RIC1: variants seen among roughly 807,000 people sequenced by gnomAD.
The protein encoded by RIC1 is RIC1 partner of RAB6A GEF complex.
Under a neutral mutation model 169.0 loss-of-function variants are expected in RIC1, and 88 were observed. The observed-to-expected ratio is 0.52, with a 90% CI of 0.44 to 0.62. RIC1 has a LOEUF of 0.62. Among genes scored for constraint, RIC1 ranks in the 20% least tolerant of loss-of-function variants. The pLI is 0.00. For synonymous variants in RIC1, 790 were observed against 601.5 expected (o/e 1.31, Z -4.59); for missense variants, 1,877 against 1,725.5 (o/e 1.09, Z -1.56).
intron 2 of RIC1, among the ~76,000 whole-genome samples, chr9:5,657,350 A>T (rs1819161443): frequency 6.6e-6 from 1 of 152,080 alleles, no homozygotes; most frequent in Non-Finnish European, 1.5e-5. Flanking sequence ...GGCTGTCATT[A>T]TGACTTAATA....
rs1037248630 is a variant in RIC1 at position 5,690,128 on chromosome 9, T to A, written c.332+90T>A. On this transcript the variant is annotated intron_variant, in intron 3 of 25. Coordinates refer to ENST00000414202, the MANE Select transcript of RIC1 (RefSeq NM_020829.4). Reference sequence around the variant, plus strand: ...ACAGTTTTGAGTTGTCTGTAGTGATTAGAATAAAACTAAACCAGCATTTCC... The same window carrying A: ...ACAGTTTTGAGTTGTCTGTAGTGATAAGAATAAAACTAAACCAGCATTTCC... 1.2e-5 allele frequency: 10 copies of A among 831,112 alleles called. No homozygotes were observed. The South Asian group carries it at 1.7e-4, about 14-fold the overall frequency. 51.5% of individuals were successfully genotyped at this position (831,112 alleles called of 1,614,324 possible). A position where few individuals can be genotyped will look rare whatever the true frequency, so the allele number is the denominator to read the frequency against.
At chr9:5,704,639 T>C (rs1391997341) in intron 3 of RIC1, among the ~76,000 whole-genome samples, 1 of 152,188 alleles carries the variant, frequency 6.6e-6, no homozygotes, top group Non-Finnish European at 1.5e-5. Flanking sequence ...CTTTTCACTT[T>C]CTTGGTAGTG....
In RIC1 at chr9:5,754,844, C is replaced by T; in HGVS notation, c.1606C>T (p.Gln536Ter). ...TTTAAAAAATTTTTATTTTAAGGAG[C>T]AAAATATGATCGTGACAGGTGGCTT... ...WKLFGNITQE[Q>*]NMIVTGGLAW... Residue 536 changes from glutamine (Q) to a stop codon, truncating the protein, a stop_gained, in exon 15 of 26, where the codon CAA becomes TAA. Coordinates refer to ENST00000414202, the MANE Select transcript of RIC1 (RefSeq NM_020829.4). LOFTEE classifies it high-confidence loss of function. 1 of 1,553,038 alleles carries T rather than the reference C, an allele frequency of 6.4e-7. No homozygotes were observed. The highest frequency in any genetic ancestry group is 8.8e-7 in the Non-Finnish European group (1 of 1,141,048).
At chr9:5,683,714 C>T (rs1329014889) in intron 2 of RIC1, among the ~76,000 whole-genome samples, 1 of 152,202 alleles carries the variant, frequency 6.6e-6, no homozygotes, top group African/African-American at 2.4e-5. Flanking sequence ...TTACTGCTGC[C>T]TTTTGTTTGT....
chr9:5,697,623 G>A (rs1187655485), intron 3 of RIC1, among the ~76,000 whole-genome samples: 1 of 152,140 alleles, frequency 6.6e-6, no homozygotes, highest in African/African-American at 2.4e-5. Context: ...GAATGCAAAT[G>A]ATGAAATATG....
At chr9:5,659,863 G>A (rs889812135) in intron 2 of RIC1, among the ~76,000 whole-genome samples, 10 of 152,044 alleles carry the variant, frequency 6.6e-5, no homozygotes, top group African/African-American at 2.4e-4. Context: ...TAACTTCAGG[G>A]TACATGTGTA....
At chr9:5,699,609 C>T (rs533518476) in intron 3 of RIC1, among the ~76,000 whole-genome samples, 4 of 151,890 alleles carry the variant, frequency 2.6e-5, no homozygotes, top group South Asian at 2.1e-4. Context: ...TAAGGGCAAC[C>T]TAGTGTCTCT....
rs1180948441 is a variant in RIC1, at chr9:5,775,506, A to C, written c.*1260A>C. 1 of 152,184 alleles carries C rather than the reference A, an allele frequency of 6.6e-6. No individual in the cohort carries two copies. The highest frequency in any genetic ancestry group is 2.4e-5 in the African/African-American group (1 of 41,444). 9.4% of individuals were successfully genotyped at this position (152,184 alleles called of 1,614,324 possible). On this transcript the variant is annotated 3_prime_UTR_variant, in exon 26 of 26. Coordinates refer to ENST00000414202, the MANE Select transcript of RIC1 (RefSeq NM_020829.4). ...AATGCAATGTTATTTTTTACAAAAAACAAACTTGTTTATTTTTATAATAAC... is the reference window on the plus strand; with the variant it reads ...AATGCAATGTTATTTTTTACAAAAACCAAACTTGTTTATTTTTATAATAAC...
intron 1 of RIC1, among the ~76,000 whole-genome samples, chr9:5,648,011 C>G (rs959120196): frequency 6.7e-6 from 1 of 149,284 alleles, no homozygotes; most frequent in African/African-American, 2.5e-5. Flanking sequence ...GTGGTTTTTT[C>G]TTGCTCTGTT....
chr9:5,686,752 A>C (rs1426957669), intron 2 of RIC1, among the ~76,000 whole-genome samples: 1 of 151,916 alleles, frequency 6.6e-6, no homozygotes, highest in Non-Finnish European at 1.5e-5. Flanking sequence ...CAATGTGCAC[A>C]TGTACCCTAA....
chr9:5,736,106 A>G (rs1193308872), intron 7 of RIC1, among the ~76,000 whole-genome samples: 3 of 152,220 alleles, frequency 2.0e-5, no homozygotes, highest in South Asian at 4.1e-4. Flanking sequence ...TACTTCTTAT[A>G]TTTAAAACAT....
chr9:5,673,244 C>T (rs761426244), intron 2 of RIC1, among the ~76,000 whole-genome samples: 10 of 151,488 alleles, frequency 6.6e-5, no homozygotes, highest in South Asian at 2.1e-4. Flanking sequence ...GAAAAATGGA[C>T]GAACAAGGCA....
At chr9:5,679,747 C>T (rs1009598888) in intron 2 of RIC1, among the ~76,000 whole-genome samples, 264 of 152,268 alleles carry the variant, frequency 1.7e-3, no homozygotes, top group African/African-American at 6.2e-3. Context: ...TGGGCTGATA[C>T]GATGGGGTTT....
intron 2 of RIC1, among the ~76,000 whole-genome samples, chr9:5,667,909 ACT>A (rs577150300): frequency 3.9e-4 from 59 of 151,946 alleles, no homozygotes; most frequent in African/African-American, 1.3e-3. Flanking sequence ...GCAGCACCCC[ACT>A]CTCTGCAGTA....
intron 8 of RIC1, among the ~76,000 whole-genome samples, 195 bp from the exon 9 acceptor site, chr9:5,742,674 C>T (rs1276626168): frequency 6.6e-6 from 1 of 151,770 alleles, no homozygotes. Flanking sequence ...TGAGTTTGTT[C>T]TGCTTAGATC....
chr9:5,736,167 C>T (rs1339712809), intron 7 of RIC1, among the ~76,000 whole-genome samples: 1 of 152,214 alleles, frequency 6.6e-6, no homozygotes, highest in Non-Finnish European at 1.5e-5. Flanking sequence ...TAGCAGTTGA[C>T]AGTTGTCAGA....
chr9:5,766,575 C>T (rs930634922), intron 21 of RIC1, among the ~76,000 whole-genome samples: 16 of 152,308 alleles, frequency 1.1e-4, no homozygotes, highest in Admixed American at 9.8e-4. Flanking sequence ...TTAGCTCCCA[C>T]ATATCAGTGA....
intron 3 of RIC1, among the ~76,000 whole-genome samples, chr9:5,702,186 G>C (rs957517317): frequency 6.6e-6 from 1 of 152,168 alleles, no homozygotes; most frequent in African/African-American, 2.4e-5. Flanking sequence ...CAGATAAATA[G>C]CTTTGGGAGG....
At chr9:5,742,803 A>AAAAG in intron 8 of RIC1, 66 bp from the exon 9 acceptor site, 1 of 1,417,964 alleles carries the variant, frequency 7.1e-7, no homozygotes, top group East Asian at 2.4e-5. Context: ...TATTTGAAAA[A>AAAAG]AAAAAAAAAA....
Sources: allele counts gnomAD v4.1 joint callset (sites outside exome capture counted in the v4.1 genomes callset), GRCh38; gene constraint gnomAD v4.1.1; transcripts MANE v1.5; gene names NCBI Gene and HGNC (gene_info 2026-07-23, HGNC 2026-07-21).